EVPL: variants seen among roughly 807,000 people sequenced by gnomAD.
EVPL encodes 210 kDa cornified envelope precursor protein.
EVPL carries 94 observed loss-of-function variants against 129.7 expected under a neutral mutation model. The ratio of observed to expected loss-of-function variants is 0.72; its 90% CI spans 0.61 to 0.86. EVPL has a LOEUF of 0.86. Among genes scored for constraint, EVPL ranks in the 40% least tolerant of loss-of-function variants. The pLI is 0.00. For missense variants in EVPL, 2,625 were observed against 2,721.1 expected (o/e 0.96, Z 0.79); for synonymous variants, 1,172 against 1,191.1 (o/e 0.98, Z 0.33).
rs143186184 is a variant in EVPL at position 76,014,316 on chromosome 17, G to A, written c.2373+110C>T. 37 of 1,406,324 alleles carry A rather than the reference G, an allele frequency of 2.6e-5. No individual in the cohort carries two copies. The African/African-American group carries it at 4.8e-4, about 18-fold the overall frequency. The allele number at this position is 1,406,324 out of a possible 1,614,324, so 87.1% of individuals were successfully genotyped here. A position where few individuals can be genotyped will look rare whatever the true frequency, so the allele number is the denominator to read the frequency against. On this transcript the variant is annotated intron_variant, in intron 18 of 21. Transcript: ENST00000301607. ...AGCATTTCAGCTGGAGGCCAGGGAAGGGGCCCAGGGCCTCCGTGGCCTGGG... is the reference window on the plus strand; with the variant it reads ...AGCATTTCAGCTGGAGGCCAGGGAAAGGGCCCAGGGCCTCCGTGGCCTGGG...
chr17:76,007,992 A>AGCACAG lies in EVPL; in HGVS notation c.5207_5212dup (p.Val1737_Leu1738insProVal). On this transcript the variant is annotated inframe_insertion, in exon 22 of 22. Transcript: ENST00000301607. This position sits in a 1 kb window ranked among gnomAD's most constrained non-coding sequence, Gnocchi z 8.8. ...CTGCTTCCCGCTCTTGCGGTCCAGG[A>AGCACAG]GCACAGACTCCTCCCCACAGGGCCC... is the stretch of plus-strand genomic sequence containing the variant. 2 of 1,614,022 alleles carry AGCACAG rather than the reference A, an allele frequency of 1.2e-6. No homozygotes were observed. Among genetic ancestry groups the AGCACAG allele is most frequent in the Admixed American group, 1.7e-5 (1 of 60,020 alleles).
chr17:76,012,358 G>A, intron 18 of EVPL: 1 of 390,152 alleles, frequency 2.6e-6, no homozygotes, highest in South Asian at 4.5e-5. Flanking sequence ...CCAGGTTGGA[G>A]TGCGTGATCT....
chr17:76,014,071 C>T (rs770097230), intron 18 of EVPL, among the ~76,000 whole-genome samples: 4 of 152,198 alleles, frequency 2.6e-5, no homozygotes, highest in Non-Finnish European at 4.4e-5. Flanking sequence ...CAGCTTCTCC[C>T]ACCAATGCTT....
In EVPL at chr17:76,008,425, GC is replaced by G; in HGVS notation, c.4779del (p.Arg1594GlyfsTer73). On this transcript the variant is annotated frameshift_variant, in exon 22 of 22. Transcript: ENST00000301607. LOFTEE classifies it low-confidence loss of function (END_TRUNC). The surrounding 1 kb of genome is among the most constrained non-coding windows in gnomAD (Gnocchi z 7.4). Reference sequence around the variant, plus strand: ...AGAGCCCGCAGCTCCTGCTGCAGCCGCCCACACTCCTGGTCGGCCTGGTCCC... The same window carrying G: ...AGAGCCCGCAGCTCCTGCTGCAGCCGCCACACTCCTGGTCGGCCTGGTCCC... ...RARDQADQEC[G>X]RLQQELRALE... 1 of 1,591,872 alleles carries G rather than the reference GC, an allele frequency of 6.3e-7. No homozygotes were observed. Among genetic ancestry groups the G allele is most frequent in the Non-Finnish European group, 8.5e-7 (1 of 1,175,208 alleles).
chr17:76,009,307 C>A lies in EVPL; in HGVS notation c.3898G>T (p.Glu1300Ter). The stretch of plus-strand genomic sequence containing the variant: ...ACCTTGGCCCGCTCGCGCCTCCACT[C>A]GTCGCGCTCACCCTGCAGGCGGATG... Reference protein sequence around the residue: ...QLIRLQGERDEWRRERAKVET... With the variant: ...QLIRLQGERD The change falls in exon 22 of 22, where the codon GAG becomes TAG. Residue 1300 changes from glutamate to a stop codon, truncating the protein, a stop_gained. Coordinates refer to ENST00000301607, the MANE Select transcript of EVPL (RefSeq NM_001988.4). LOFTEE classifies it low-confidence loss of function (END_TRUNC). The surrounding 1 kb of genome is among the most constrained non-coding windows in gnomAD (Gnocchi z 5.9). 6.2e-7 allele frequency: 1 copy of A among 1,609,614 alleles called. No homozygotes were observed. The highest frequency in any genetic ancestry group is 8.5e-7 in the Non-Finnish European group (1 of 1,179,756).
In EVPL at chr17:76,022,650, G is replaced by A; in HGVS notation, c.481-112C>T. The A allele has an allele frequency of 7.1e-7, 1 of 1,407,086 alleles. No homozygotes were observed. The highest frequency in any genetic ancestry group is 9.5e-7 in the Non-Finnish European group (1 of 1,057,826). The allele number at this position is 1,407,086 out of a possible 1,614,324, so 87.2% of individuals were successfully genotyped here. ...TTGGTCATTTGGGCAGAGCGTGGAC[G>A]AGCCTGGGAGCAGCCCGGGTGCATG... On this transcript the variant is annotated intron_variant, in intron 4 of 21. Transcript: ENST00000301607. The surrounding 1 kb of genome is among the most constrained non-coding windows in gnomAD (Gnocchi z 5.6).
Position 76,018,607 on chromosome 17 carries a change from G to C in EVPL, c.1285-7C>G. ...CACCCTGCAGCAGCTGCACCTGGGG[G>C]CACAGAAAGGGAGCAGCTCCTGAGG... is the stretch of plus-strand genomic sequence containing the variant. On this transcript the variant is annotated splice_polypyrimidine_tract_variant and splice_region_variant and intron_variant, in intron 11 of 21. Transcript: ENST00000301607. 6.3e-7 allele frequency: 1 copy of C among 1,594,130 alleles called. No individual in the cohort carries two copies. Among genetic ancestry groups the C allele is most frequent in the Non-Finnish European group, 8.6e-7 (1 of 1,169,352 alleles).
chr17:76,018,172 G>A lies in EVPL; in HGVS notation c.1526C>T (p.Pro509Leu), dbSNP rs116295622. The change falls in exon 13 of 22, where the codon CCC becomes CTC. Residue 509 changes from proline to leucine, a missense_variant. Transcript: ENST00000301607. ...LKASAVESLRPSQQAPSGSDL... is the reference protein window; with the variant it reads ...LKASAVESLRLSQQAPSGSDL... Reference sequence around the variant, plus strand: ...GCCACCCTGGGTACCCTGCTGGCTGGGCCGAAGAGACTCCACAGCACTGGC... The same window carrying A: ...GCCACCCTGGGTACCCTGCTGGCTGAGCCGAAGAGACTCCACAGCACTGGC... The A allele has an allele frequency of 1.2e-4, 183 of 1,550,986 alleles. No homozygotes were observed. The African/African-American group carries it at 2.3e-3, about 20-fold the overall frequency.
At position 76,019,552 on chromosome 17, in the gene EVPL, G is replaced by T; in HGVS notation, c.1113C>A (p.Pro371=). The change falls in exon 10 of 22, where the codon CCC becomes CCA. Residue 371 remains proline (P), a synonymous_variant. Coordinates refer to ENST00000301607, the MANE Select transcript of EVPL (RefSeq NM_001988.4). ...CCTCCAGCTGTTGCAGCAGCTCTGTGGGGGCGCCAGGGGGGCCCCCAGGTG... is the reference window on the plus strand; with the variant it reads ...CCTCCAGCTGTTGCAGCAGCTCTGTTGGGGCGCCAGGGGGGCCCCCAGGTG... The part of the protein sequence containing the change: ...SPAPGGPPGA[P]TELLQQLEAE... 1 of 1,569,486 alleles carries T rather than the reference G, an allele frequency of 6.4e-7. No individual in the cohort carries two copies.
At position 76,017,814 on chromosome 17, in the gene EVPL, C is replaced by T. The variant is rs1215889489; in HGVS notation, c.1635G>A (p.Val545=). ...DGDLGQIERQ[V]LAWARAPLSR... Reference sequence around the variant, plus strand: ...TCAGCGGGGCCCGCGCCCAGGCCAGCACCTGCCTCTCTATCTGTCCCAGGT... The same window carrying T: ...TCAGCGGGGCCCGCGCCCAGGCCAGTACCTGCCTCTCTATCTGTCCCAGGT... The change falls in exon 14 of 22, where the codon GTG becomes GTA. Residue 545 remains valine, a synonymous_variant. Coordinates refer to ENST00000301607, the MANE Select transcript of EVPL (RefSeq NM_001988.4). The T allele has an allele frequency of 1.2e-6, 2 of 1,613,532 alleles. No individual in the cohort carries two copies. Among genetic ancestry groups the T allele is most frequent in the African/African-American group, 2.7e-5 (2 of 74,942 alleles).
Position 76,022,428 on chromosome 17 carries a change from C to T in EVPL, c.591G>A (p.Arg197=), listed in dbSNP as rs1209662853. The T allele has an allele frequency of 2.5e-6, 4 of 1,613,798 alleles. No homozygotes were observed. The highest frequency in any genetic ancestry group is 3.4e-6 in the Non-Finnish European group (4 of 1,179,964). ...KEIDAYGQQL[R]SLVGPDAATI... ...GCTCACCTACCGGCCCCACGAGGCT[C>T]CGCAGCTGCTGCCCATAGGCGTCGA... is the stretch of plus-strand genomic sequence containing the variant. Residue 197 remains arginine (R), a synonymous_variant, in exon 5 of 22, where the codon CGG becomes CGA. Coordinates refer to ENST00000301607, the MANE Select transcript of EVPL (RefSeq NM_001988.4). The surrounding 1 kb of genome is among the most constrained non-coding windows in gnomAD (Gnocchi z 5.6).
At chr17:76,014,310 A>AG (rs1472695512) in intron 18 of EVPL, 116 bp downstream of exon 18, 2 of 1,377,318 alleles carry the variant, frequency 1.5e-6, no homozygotes, top group African/African-American at 1.5e-5. Context: ...GCTGGAGGCC[A>AG]GGGAAGGGGC....
chr17:76,011,469 G>T, intron 21 of EVPL, 107 bp downstream of exon 21: 1 of 992,508 alleles, frequency 1.0e-6, no homozygotes, highest in Non-Finnish European at 1.6e-6. Context: ...AGGAGGGAGA[G>T]GAGGGAAGGA....
At position 76,008,336 on chromosome 17, in the gene EVPL, C is replaced by T. The variant is rs1474288118; in HGVS notation, c.4869G>A (p.Lys1623=). Residue 1623 remains lysine, a synonymous_variant, in exon 22 of 22, where the codon AAG becomes AAA. Coordinates refer to ENST00000301607, the MANE Select transcript of EVPL (RefSeq NM_001988.4). This position sits in a 1 kb window ranked among gnomAD's most constrained non-coding sequence, Gnocchi z 7.4. ...LQEESKLLSQ[K]TESERQKAAQ... ...CCGCCTTCTGTCGCTCGCTCTCCGTCTTCTGGCTGAGCAGCTTCGACTCCT... is the reference window on the plus strand; with the variant it reads ...CCGCCTTCTGTCGCTCGCTCTCCGTTTTCTGGCTGAGCAGCTTCGACTCCT... The T allele has an allele frequency of 6.2e-7, 1 of 1,605,686 alleles. No individual in the cohort carries two copies.
Position 76,009,847 on chromosome 17 carries a change from T to A in EVPL, c.3358A>T (p.Ile1120Phe), listed in dbSNP as rs1188548065. The change falls in exon 22 of 22, where the codon ATC (isoleucine) becomes TTC (phenylalanine). Residue 1120 changes from isoleucine to phenylalanine, a missense_variant. Physicochemically the swap from Ile to Phe is conservative, Grantham distance 21. Transcript: ENST00000301607. This position sits in a 1 kb window ranked among gnomAD's most constrained non-coding sequence, Gnocchi z 5.9. ...EEAVAKLQARIEDLERAISSV... is the reference protein window; with the variant it reads ...EEAVAKLQARFEDLERAISSV... ...CTGATAGCCCGCTCCAGGTCTTCGA[T>A]GCGAGCCTGTAGCTTGGCCACAGCC... 3 of 1,614,038 alleles carry A rather than the reference T, an allele frequency of 1.9e-6. No individual in the cohort carries two copies. The highest frequency in any genetic ancestry group is 1.1e-5 in the South Asian group (1 of 91,082).
At position 76,011,785 on chromosome 17, in the gene EVPL, C is replaced by A. The variant is rs200008907; in HGVS notation, c.2555G>T (p.Ser852Ile). The A allele has an allele frequency of 1.4e-5, 22 of 1,611,994 alleles. No homozygotes were observed. Among genetic ancestry groups the A allele is most frequent in the Non-Finnish European group, 1.7e-5 (20 of 1,178,938 alleles). The change falls in exon 20 of 22, where the codon AGC (serine) becomes ATC (isoleucine). Residue 852 changes from serine (S) to isoleucine (I), a missense_variant. By Grantham distance (142) the Ser-to-Ile change is moderately radical. This residue lies in a region of EVPL where 1,024 missense variants were observed against 997.5 expected (regional missense o/e 1.03). Coordinates refer to ENST00000301607, the MANE Select transcript of EVPL (RefSeq NM_001988.4). ...GTCCCATCTCACCTGGGCTTGGATG[C>A]TCTCTTGCAGGGGAGCCACTCGGGG... ...KRPRVAPLQE[S>I]IQAQEKNLAK...
chr17:76,014,832 AG>A, intron 17 of EVPL, 83 bp downstream of exon 17: 1 of 1,378,708 alleles, frequency 7.3e-7, no homozygotes, highest in Non-Finnish European at 9.8e-7. Context: ...TGAAGTCACT[AG>A]CCCAGGATCA....
rs1470185373 is a variant in EVPL at position 76,008,073 on chromosome 17, C to T, written c.5132G>A (p.Gly1711Asp). 2 of 1,614,028 alleles carry T rather than the reference C, an allele frequency of 1.2e-6. No homozygotes were observed. The highest frequency in any genetic ancestry group is 1.7e-6 in the Non-Finnish European group (2 of 1,180,008). The change falls in exon 22 of 22, where the codon GGC becomes GAC. Residue 1711 changes from glycine to aspartate, a missense_variant. Around this residue, in one of 4 missense-constraint regions of EVPL, gnomAD observed 1,453 missense variants for 1,511.8 expected, o/e 0.96. Coordinates refer to ENST00000301607, the MANE Select transcript of EVPL (RefSeq NM_001988.4). The surrounding 1 kb of genome is among the most constrained non-coding windows in gnomAD (Gnocchi z 7.4). ...GAGCTCCTGCAGCTGCAAGTACTGG[C>T]CCCTGTCGATGATGCCCCTCTTGTA... is the stretch of plus-strand genomic sequence containing the variant. ...EAYKRGIIDRGQYLQLQELEC... is the reference protein window; with the variant it reads ...EAYKRGIIDRDQYLQLQELEC...
In EVPL at chr17:76,022,379, G is replaced by C; in HGVS notation, c.606+34C>G. On this transcript the variant is annotated intron_variant, in intron 5 of 21. Coordinates refer to ENST00000301607, the MANE Select transcript of EVPL (RefSeq NM_001988.4). The surrounding 1 kb of genome is among the most constrained non-coding windows in gnomAD (Gnocchi z 5.6). ...CTGACTGGAGAAACGGGCTGGGGCT[G>C]GCCCCGGATGTGACATCCTCCAGGC... The C allele has an allele frequency of 6.2e-7, 1 of 1,612,664 alleles. No individual in the cohort carries two copies. The highest frequency in any genetic ancestry group is 1.1e-5 in the South Asian group (1 of 90,918).
Sources: gnomAD v4.1 joint callset for allele counts (sites outside exome capture counted in the v4.1 genomes callset) on GRCh38, gnomAD v4.1.1 for gene constraint, gnomAD v4.1.1 regional missense constraint, Gnocchi (gnomAD v3.1) non-coding constraint, MANE v1.5 for transcripts, NCBI Gene and HGNC (gene_info 2026-07-23, HGNC 2026-07-21) for gene names.